NALF2: variants seen among roughly 807,000 people sequenced by gnomAD.
The protein encoded by NALF2 is bB57D9.1 (TED protein).
A neutral mutation model predicts 24.8 loss-of-function variants in NALF2; 1 was observed. The observed-to-expected ratio is 0.04, with a 90% CI of 0.01 to 0.19. The LOEUF is 0.19. NALF2 is among the 10% of genes least tolerant of loss of function. NALF2 has a pLI of 1.00. For missense variants in NALF2, 458 were observed against 409.6 expected (o/e 1.12, Z -1.02); for synonymous variants, 254 against 189.8 (o/e 1.34, Z -2.78).
chrX:69,505,514 A>G lies in NALF2; in HGVS notation c.232A>G (p.Met78Val), dbSNP rs1930451499. 3 of 997,131 alleles carry G rather than the reference A, an allele frequency of 3.0e-6. No homozygotes were observed. Among genetic ancestry groups the G allele is most frequent in the Non-Finnish European group, 3.8e-6 (3 of 796,673 alleles). The allele number at this position is 997,131 out of a possible 1,213,427, so 82.2% of individuals were successfully genotyped here. Reference protein sequence around the residue: ...RPRARELSSAMRPPWGAGRER... With the variant: ...RPRARELSSAVRPPWGAGRER... ...CCGGGCCAGGGAGCTGAGCAGCGCC[A>G]TGCGGCCCCCATGGGGGGCCGGCCG... The change falls in exon 1 of 3, where the codon ATG becomes GTG. Residue 78 changes from methionine (M) to valine (V), a missense_variant. Physicochemically the swap from Met to Val is conservative, Grantham distance 21 (BLOSUM62 1). Transcript: ENST00000252338.
rs1405717119 is a variant in NALF2, at chrX:69,532,109, G to T, written c.*2153G>T. The T allele has an allele frequency of 8.9e-6, 1 of 112,592 alleles. No individual in the cohort carries two copies. Among genetic ancestry groups the T allele is most frequent in the Non-Finnish European group, 1.9e-5 (1 of 53,255 alleles). The allele number at this position is 112,592 out of a possible 1,213,427, so 9.3% of individuals were successfully genotyped here. Reference sequence around the variant, plus strand: ...CCCAAGGCCTTGCCCAGTGGCAGGGGAAAGGGGCACCTCACTCCACCTCAA... The same window carrying T: ...CCCAAGGCCTTGCCCAGTGGCAGGGTAAAGGGGCACCTCACTCCACCTCAA... On this transcript the variant is annotated 3_prime_UTR_variant, in exon 3 of 3. Coordinates refer to ENST00000252338, the MANE Select transcript of NALF2 (RefSeq NM_015686.3).
chrX:69,521,149 A>G (rs1222137655), intron 1 of NALF2, among the ~76,000 whole-genome samples: 1 of 111,858 alleles, frequency 8.9e-6, no homozygotes, highest in East Asian at 2.8e-4. Context: ...CTCATCTCCC[A>G]TTGTATCCCA....
intron 1 of NALF2, among the ~76,000 whole-genome samples, chrX:69,518,625 T>C (rs2385046): frequency 0.32 from 35,247 of 111,120 alleles, 4,374 homozygotes; most frequent in Admixed American, 0.57. Flanking sequence ...CATATACATA[T>C]ATACACCTGT....
rs754805211 is a variant in NALF2, at chrX:69,505,728, A to C, written c.446A>C (p.Lys149Thr). 4 of 1,210,397 alleles carry C rather than the reference A, an allele frequency of 3.3e-6. No individual in the cohort carries two copies. The highest frequency in any genetic ancestry group is 2.2e-6 in the Non-Finnish European group (2 of 894,828). The change falls in exon 1 of 3, where the codon AAA becomes ACA. Residue 149 changes from lysine (K) to threonine (T), a missense_variant. By Grantham distance (78) the Lys-to-Thr change is moderately conservative (BLOSUM62 -1). Transcript: ENST00000252338. ...EPTGLDAACT[K>T]LQSLQRLFEP... ...ACGGGGCTGGACGCAGCTTGCACCAAATTGCAATCTTTGCAGAGACTTTTC... is the reference window on the plus strand; with the variant it reads ...ACGGGGCTGGACGCAGCTTGCACCACATTGCAATCTTTGCAGAGACTTTTC...
At position 69,529,629 on chromosome X, in the gene NALF2, C is replaced by G; in HGVS notation, c.1092C>G (p.Val364=). 8.3e-7 allele frequency: 1 copy of G among 1,211,074 alleles called. No individual in the cohort carries two copies. The highest frequency in any genetic ancestry group is 3.0e-5 in the East Asian group (1 of 33,808). Residue 364 remains valine, a synonymous_variant, in exon 3 of 3, where the codon GTC becomes GTG. Coordinates refer to ENST00000252338, the MANE Select transcript of NALF2 (RefSeq NM_015686.3). ...LETKCCDVQW[V]SCEAKKKKFK... ...CCAAGTGCTGTGACGTGCAGTGGGT[C>G]TCCTGTGAGGCGAAGAAGAAGAAGT...
chrX:69,506,591 C>T (rs1310843267), intron 1 of NALF2, among the ~76,000 whole-genome samples: 1 of 113,100 alleles, frequency 8.8e-6, no homozygotes, highest in Non-Finnish European at 1.9e-5. Flanking sequence ...GCAACCAAAC[C>T]CTCACCCTTT....
intron 1 of NALF2, among the ~76,000 whole-genome samples, chrX:69,526,971 G>A (rs1372357988): frequency 1.8e-5 from 2 of 112,234 alleles, no homozygotes; most frequent in Non-Finnish European, 3.8e-5. Flanking sequence ...AGTCAATTGC[G>A]TTTTGAGACC....
intron 1 of NALF2, among the ~76,000 whole-genome samples, chrX:69,523,981 G>A (rs774113895): frequency 8.9e-6 from 1 of 111,956 alleles, no homozygotes; most frequent in East Asian, 2.8e-4. Flanking sequence ...CTCAACCGTG[G>A]CTGCATACTA....
At chrX:69,518,876 C>A (rs1569259324) in intron 1 of NALF2, among the ~76,000 whole-genome samples, 1 of 112,086 alleles carries the variant, frequency 8.9e-6, no homozygotes, top group Admixed American at 9.5e-5. Context: ...CCCAATTTTT[C>A]TCTTTTAAAT....
intron 1 of NALF2, among the ~76,000 whole-genome samples, chrX:69,514,117 G>C (rs1930629477): frequency 9.1e-6 from 1 of 109,897 alleles, no homozygotes; most frequent in Non-Finnish European, 1.9e-5. Flanking sequence ...TTGAACCTGG[G>C]AGGTGGAGGT....
intron 1 of NALF2, among the ~76,000 whole-genome samples, chrX:69,517,478 G>A (rs941201824): frequency 1.8e-5 from 2 of 112,345 alleles, no homozygotes; most frequent in African/African-American, 6.5e-5. Flanking sequence ...GTCTGGGTCA[G>A]GTGATTAGAA....
chrX:69,507,822 C>T (rs1454019939), intron 1 of NALF2, among the ~76,000 whole-genome samples: 2 of 111,129 alleles, frequency 1.8e-5, no homozygotes, highest in African/African-American at 3.3e-5. Flanking sequence ...ACCCCATGGC[C>T]CTGTTTTTTG....
At position 69,505,145 on chromosome X, in the gene NALF2, G is replaced by A. The variant is rs1243809828; in HGVS notation, c.-138G>A. The A allele has an allele frequency of 9.3e-6, 5 of 536,408 alleles. No individual in the cohort carries two copies. Among genetic ancestry groups the A allele is most frequent in the African/African-American group, 2.5e-5 (1 of 39,220 alleles). The allele number at this position is 536,408 out of a possible 1,213,427, so 44.2% of individuals were successfully genotyped here. ...GCCTGAGCGGGGCATCGCGCCGGCCGGCCTGCCTCACCATGCAGCCCCCGA... is the reference window on the plus strand; with the variant it reads ...GCCTGAGCGGGGCATCGCGCCGGCCAGCCTGCCTCACCATGCAGCCCCCGA... On this transcript the variant is annotated 5_prime_UTR_variant, in exon 1 of 3. Transcript: ENST00000252338.
Position 69,505,632 on chromosome X carries a change from G to C in NALF2, c.350G>C (p.Arg117Thr). The stretch of plus-strand genomic sequence containing the variant: ...GCGCCCCCAGGCACCTGCGGCCCCA[G>C]ATACAGCAACCTGACCAAAGCCGCC... ...PSAPPGTCGP[R>T]YSNLTKAAPA... The change falls in exon 1 of 3, where the codon AGA (arginine) becomes ACA (threonine). Residue 117 changes from arginine (R) to threonine (T), a missense_variant. By Grantham distance (71) the Arg-to-Thr change is moderately conservative. Coordinates refer to ENST00000252338, the MANE Select transcript of NALF2 (RefSeq NM_015686.3). 3.4e-6 allele frequency: 4 copies of C among 1,186,299 alleles called. No individual in the cohort carries two copies. Among genetic ancestry groups the C allele is most frequent in the Non-Finnish European group, 4.5e-6 (4 of 888,914 alleles).
rs774841719 is a variant in NALF2 at position 69,505,814 on chromosome X, G to C, written c.532G>C (p.Glu178Gln). 12 of 1,209,821 alleles carry C rather than the reference G, an allele frequency of 9.9e-6. No individual in the cohort carries two copies. The highest frequency in any genetic ancestry group is 1.3e-5 in the Non-Finnish European group (12 of 894,585). ...TGACTCCCTTTCCCGTGCCCCGGCC[G>C]AGTTCCCCTCCGCCAAAAAAAACTT... ...PPDSLSRAPA[E>Q]FPSAKKNLLK... The change falls in exon 1 of 3, where the codon GAG becomes CAG. Residue 178 changes from glutamate to glutamine, a missense_variant. Coordinates refer to ENST00000252338, the MANE Select transcript of NALF2 (RefSeq NM_015686.3).
Position 69,504,819 on chromosome X carries a change from C to T in NALF2, c.-464C>T, listed in dbSNP as rs1930427343. Among the ~76,000 whole-genome samples the T allele has an allele frequency of 9.3e-6, 1 of 107,895 alleles. No individual in the cohort carries two copies. The highest frequency in any genetic ancestry group is 1.9e-5 in the Non-Finnish European group (1 of 51,350). 93.7% of individuals were successfully genotyped at this position (107,895 alleles called of 115,157 possible). Reference sequence around the variant, plus strand: ...AGGGGAGCGGAGCGGAGCGCGGCGGCGGGGCCCGCACGGCGGCGCTGAGGG... The same window carrying T: ...AGGGGAGCGGAGCGGAGCGCGGCGGTGGGGCCCGCACGGCGGCGCTGAGGG... On this transcript the variant is annotated 5_prime_UTR_variant, in exon 1 of 3. Coordinates refer to ENST00000252338, the MANE Select transcript of NALF2 (RefSeq NM_015686.3).
In NALF2 at chrX:69,515,445, C is replaced by T. The variant is rs1305783611; in HGVS notation, c.861+9302C>T. ...TTTTTGAGGCTCTTGACATACATTA[C>T]CAACTTTCTTTCAAATTACTGGGTT... is the stretch of plus-strand genomic sequence containing the variant. On this transcript the variant is annotated intron_variant, in intron 1 of 2. Coordinates refer to ENST00000252338, the MANE Select transcript of NALF2 (RefSeq NM_015686.3). Among the ~76,000 whole-genome samples the T allele has an allele frequency of 3.6e-5, 4 of 112,535 alleles. No individual in the cohort carries two copies. The Admixed American group carries it at 3.7e-4, about 11-fold the overall frequency.
chrX:69,520,284 C>G (rs1340925623), intron 1 of NALF2, among the ~76,000 whole-genome samples: 3 of 112,242 alleles, frequency 2.7e-5, no homozygotes, highest in African/African-American at 9.7e-5. Flanking sequence ...CAGGGAACAT[C>G]TGCTCATGAT....
chrX:69,528,669 G>A (rs1375668395), intron 1 of NALF2, among the ~76,000 whole-genome samples: 1 of 112,282 alleles, frequency 8.9e-6, no homozygotes, highest in East Asian at 2.8e-4. Context: ...TGGACCAAGT[G>A]TAAAATGACA....
Sources: allele counts gnomAD v4.1 joint callset (sites outside exome capture counted in the v4.1 genomes callset), GRCh38; gene constraint gnomAD v4.1.1; transcripts MANE v1.5; gene names NCBI Gene and HGNC (gene_info 2026-07-23, HGNC 2026-07-21).